Variants in DDX56 observed in about 807,000 individuals in gnomAD.
DDX56 encodes the protein DEAD-box helicase 56.
In DDX56, 45 loss-of-function variants were observed where a neutral mutation model predicts 61.5. That is an observed-to-expected ratio of 0.73 (90% CI 0.58 to 0.94). The LOEUF (loss-of-function observed/expected upper bound fraction) is 0.94. Ranked by LOEUF, DDX56 falls within the 40% of genes least tolerant of loss-of-function variation. The pLI is 0.00. For missense variants in DDX56, 708 were observed against 690.7 expected (o/e 1.02, Z -0.28); for synonymous variants, 273 against 268.3 (o/e 1.02, Z -0.17).
chr7:44,565,953 G>A lies in DDX56; in HGVS notation c.*49C>T, dbSNP rs1389655946. 1 of 1,430,772 alleles carries A rather than the reference G, an allele frequency of 7.0e-7. No homozygotes were observed. Among genetic ancestry groups the A allele is most frequent in the Non-Finnish European group, 9.8e-7 (1 of 1,019,956 alleles). 88.6% of individuals were successfully genotyped at this position (1,430,772 alleles called of 1,614,324 possible). A position where few individuals can be genotyped will look rare whatever the true frequency, so the allele number is the denominator to read the frequency against. On this transcript the variant is annotated 3_prime_UTR_variant, in exon 14 of 14. Transcript: ENST00000258772. ...AGAGCCTCGCCTGTCCACGAAGGGT[G>A]TAAGCCTGTGCTCCACAATGTGCTC...
Position 44,570,807 on chromosome 7 carries a change from C to T in DDX56, c.961G>A (p.Gly321Arg). 1 of 1,613,966 alleles carries T rather than the reference C, an allele frequency of 6.2e-7. No individual in the cohort carries two copies. Reference protein sequence around the residue: ...CVIATDAEVLGAPVKGKRRGR... With the variant: ...CVIATDAEVLRAPVKGKRRGR... The stretch of plus-strand genomic sequence containing the variant: ...CGACGCTTGCCCTTGACTGGGGCCC[C>T]CAGGACTTCAGCATCAGTTGCTATG... The change falls in exon 7 of 14, where the codon GGG becomes AGG. Residue 321 changes from glycine (G) to arginine (R), a missense_variant. Gly to Arg is a moderately radical substitution (Grantham distance 125). Transcript: ENST00000258772.
intron 9 of DDX56, 155 bp downstream of exon 9, chr7:44,569,654 G>A (rs1317135784): frequency 1.5e-6 from 1 of 683,106 alleles, no homozygotes; most frequent in African/African-American, 1.8e-5. Context: ...ATCTCTCAAG[G>A]GGGACAGTGC....
In DDX56 at chr7:44,568,928, T is replaced by G; in HGVS notation, c.1358A>C (p.Glu453Ala). 1 of 1,614,086 alleles carries G rather than the reference T, an allele frequency of 6.2e-7. No individual in the cohort carries two copies. The highest frequency in any genetic ancestry group is 8.5e-7 in the Non-Finnish European group (1 of 1,180,004). ...REARLKEIKE[E>A]LLHSEKLKTY... ...CTTAAGCTTCTCAGAATGCAGAAGC[T>G]CTTCCTTGATCTCCTTCAATCTTGC... The change falls in exon 11 of 14, where the codon GAG becomes GCG. Residue 453 changes from glutamate to alanine, a missense_variant. Physicochemically the swap from Glu to Ala is moderately radical, Grantham distance 107 (BLOSUM62 -1). Coordinates refer to ENST00000258772, the MANE Select transcript of DDX56 (RefSeq NM_019082.4).
intron 9 of DDX56, 101 bp downstream of exon 9, chr7:44,569,708 G>T: frequency 9.4e-7 from 1 of 1,059,694 alleles, no homozygotes; most frequent in Non-Finnish European, 1.4e-6. Flanking sequence ...GAAGTGGCCT[G>T]TCACACTATG....
chr7:44,573,533 A>G lies in DDX56; in HGVS notation c.222+50T>C, dbSNP rs766639504. The stretch of plus-strand genomic sequence containing the variant: ...CAGACAAACGGGAACCGCCCTTCCC[A>G]GGCTTTTGGAGCTTGCCTCCTTCCT... On this transcript the variant is annotated intron_variant, in intron 2 of 13. Coordinates refer to ENST00000258772, the MANE Select transcript of DDX56 (RefSeq NM_019082.4). The G allele has an allele frequency of 6.9e-6, 11 of 1,596,046 alleles. No individual in the cohort carries two copies. In the East Asian group the frequency reaches 2.2e-4, roughly 33 times the overall value.
intron 5 of DDX56, 32 bp from the exon 6 acceptor site, chr7:44,571,768 G>A (rs1276734041): frequency 1.2e-6 from 2 of 1,610,874 alleles, no homozygotes; most frequent in South Asian, 2.2e-5. Context: ...TGGTCAGAAA[G>A]GAAAAGAACA....
Position 44,565,938 on chromosome 7 carries a change from C to A in DDX56, c.*64G>T. Reference sequence around the variant, plus strand: ...TGTGCAGTAAGCACCAGAGCCTCGCCTGTCCACGAAGGGTGTAAGCCTGTG... The same window carrying A: ...TGTGCAGTAAGCACCAGAGCCTCGCATGTCCACGAAGGGTGTAAGCCTGTG... On this transcript the variant is annotated 3_prime_UTR_variant, in exon 14 of 14. Transcript: ENST00000258772. The A allele has an allele frequency of 7.7e-7, 1 of 1,303,196 alleles. No individual in the cohort carries two copies. The highest frequency in any genetic ancestry group is 2.3e-5 in the East Asian group (1 of 42,936). 80.7% of individuals were successfully genotyped at this position (1,303,196 alleles called of 1,614,324 possible).
intron 13 of DDX56, 146 bp from the exon 14 acceptor site, chr7:44,566,225 G>T: frequency 1.5e-6 from 1 of 677,662 alleles, no homozygotes. Context: ...AAGGAAATGG[G>T]GAAAGGCAGC....
chr7:44,572,559 C>A lies in DDX56; in HGVS notation c.554+15G>T. The A allele has an allele frequency of 6.2e-7, 1 of 1,613,856 alleles. No individual in the cohort carries two copies. Among genetic ancestry groups the A allele is most frequent in the Non-Finnish European group, 8.5e-7 (1 of 1,179,846 alleles). On this transcript the variant is annotated intron_variant, in intron 4 of 13. Coordinates refer to ENST00000258772, the MANE Select transcript of DDX56 (RefSeq NM_019082.4). Reference sequence around the variant, plus strand: ...CAGATGTTTCCACTAGGAATCACACCCACCTCTGCCTTACCAGAGGAGACT... The same window carrying A: ...CAGATGTTTCCACTAGGAATCACACACACCTCTGCCTTACCAGAGGAGACT...
rs776190071 is a variant in DDX56 at position 44,571,586 on chromosome 7, T to C, written c.796A>G (p.Asn266Asp). 1.2e-5 allele frequency: 20 copies of C among 1,613,972 alleles called. No homozygotes were observed. Among genetic ancestry groups the C allele is most frequent in the Non-Finnish European group, 3.4e-6 (4 of 1,180,038 alleles). ...LIRGKSLLFV[N>D]TLERSYRLRL... Reference sequence around the variant, plus strand: ...AGCCGGTAACTCCGTTCTAGAGTGTTGACAAAGAGCAGAGACTTGCCCCGA... The same window carrying C: ...AGCCGGTAACTCCGTTCTAGAGTGTCGACAAAGAGCAGAGACTTGCCCCGA... Residue 266 changes from asparagine (N) to aspartate (D), a missense_variant, in exon 6 of 14, where the codon AAC becomes GAC. Physicochemically the swap from Asn to Asp is conservative, Grantham distance 23. Coordinates refer to ENST00000258772, the MANE Select transcript of DDX56 (RefSeq NM_019082.4).
chr7:44,573,742 A>G lies in DDX56; in HGVS notation c.63T>C (p.Ala21=). 1.2e-6 allele frequency: 2 copies of G among 1,613,496 alleles called. No individual in the cohort carries two copies. Among genetic ancestry groups the G allele is most frequent in the Non-Finnish European group, 1.7e-6 (2 of 1,179,932 alleles). The change falls in exon 2 of 14, where the codon GCT becomes GCC. Residue 21 remains alanine (A), a splice_region_variant and synonymous_variant. Transcript: ENST00000258772. ...HMGLDPRLLQ[A]VTDLGWSRPT... is the part of the protein sequence containing the mutation. Reference sequence around the variant, plus strand: ...GTCGCGACCAGCCCAGATCGGTGACAGCCTAGGAGACCAGGAGTGCGGTTT... The same window carrying G: ...GTCGCGACCAGCCCAGATCGGTGACGGCCTAGGAGACCAGGAGTGCGGTTT...
At chr7:44,566,391 A>C (rs755381184) in intron 13 of DDX56, 57 bp downstream of exon 13, 3 of 1,423,644 alleles carry the variant, frequency 2.1e-6, no homozygotes, top group Non-Finnish European at 2.9e-6. Context: ...TCTGGTGATG[A>C]CAAAAGAGCA....
intron 9 of DDX56, among the ~76,000 whole-genome samples, chr7:44,569,414 C>A (rs1475650854): frequency 2.0e-5 from 3 of 152,216 alleles, no homozygotes; most frequent in African/African-American, 7.2e-5. Flanking sequence ...TGTGTGGCCC[C>A]AAGCCCAAGA....
intron 3 of DDX56, 35 bp downstream of exon 3, chr7:44,572,855 C>A (rs217373): frequency 0.41 from 656,388 of 1,587,074 alleles, 142,765 homozygotes; most frequent in Middle Eastern, 0.5. Context: ...CACTGTGTAG[C>A]TTCATTCAGG....
intron 12 of DDX56, 52 bp from the exon 13 acceptor site, chr7:44,566,576 C>A: frequency 1.4e-6 from 2 of 1,405,656 alleles, no homozygotes; most frequent in South Asian, 2.7e-5. Context: ...GCTCCCATCC[C>A]TGCCCTCCCG....
intron 7 of DDX56, among the ~76,000 whole-genome samples, chr7:44,570,510 C>T (rs1802643729): frequency 1.3e-5 from 2 of 152,236 alleles, no homozygotes; most frequent in African/African-American, 2.4e-5. Flanking sequence ...GGCCATCTCC[C>T]CTGCAGGGCT....
chr7:44,568,308 C>G (rs997186207), intron 11 of DDX56, 85 bp from the exon 12 acceptor site: 5 of 967,138 alleles, frequency 5.2e-6, no homozygotes, highest in African/African-American at 3.3e-5. Context: ...ATAACACACT[C>G]ATGTGTTTCA....
chr7:44,568,021 G>T, intron 12 of DDX56, 97 bp downstream of exon 12: 1 of 953,526 alleles, frequency 1.0e-6, no homozygotes, highest in South Asian at 1.4e-5. Flanking sequence ...TTCTGCCTGA[G>T]CATCCCCAGC....
At position 44,573,499 on chromosome 7, in the gene DDX56, A is replaced by C. The variant is rs191754735; in HGVS notation, c.222+84T>G. The stretch of plus-strand genomic sequence containing the variant: ...CGGCCTGCACGGGTACAGGGCCAAG[A>C]GAAAACCTCAGACAAACGGGAACCG... On this transcript the variant is annotated intron_variant, in intron 2 of 13. Transcript: ENST00000258772. 1.2e-3 allele frequency: 1,805 copies of C among 1,542,780 alleles called. 3 individuals are homozygous for C. The highest frequency in any genetic ancestry group is 3.0e-3 in the Middle Eastern group (16 of 5,358).
Sources: allele counts gnomAD v4.1 joint callset (sites outside exome capture counted in the v4.1 genomes callset), GRCh38; gene constraint gnomAD v4.1.1; transcripts MANE v1.5; gene names NCBI Gene and HGNC (gene_info 2026-07-23, HGNC 2026-07-21).